The following DMD variants were observed in gnomAD, a reference collection of about 807,000 sequenced individuals.
DMD encodes the protein mutant dystrophin.
DMD carries 63 observed loss-of-function variants against 330.1 expected under a neutral mutation model. The ratio of observed to expected loss-of-function variants is 0.19; its 90% CI spans 0.16 to 0.24. The LOEUF is 0.24. Among genes scored for constraint, DMD ranks in the 10% least tolerant of loss-of-function variants. The pLI, the probability that DMD is intolerant of heterozygous loss-of-function variation, is 1.00. For synonymous variants in DMD, 1,223 were observed against 959.8 expected (o/e 1.27, Z -5.07); for missense variants, 3,344 against 2,684.1 (o/e 1.25, Z -5.43).
Position 33,267,092 on chromosome X carries a change from C to T in DMD, c.7+72167G>A, listed in dbSNP as rs934676410. Among the ~76,000 whole-genome samples the T allele has an allele frequency of 5.4e-5, 6 of 111,291 alleles. No individual in the cohort carries two copies. In the East Asian group the frequency reaches 1.7e-3, roughly 31 times the overall value. On this transcript the variant is annotated intron_variant, in intron 1 of 17. Transcript: ENST00000288447. ...ACGGTATGATTCTATACTTAGAAAA[C>T]CCAAAGACTCCACCAAAAGGCTACT...
In DMD at chrX:31,879,209, C is replaced by CGGT. The variant is rs1556965814; in HGVS notation, c.6913-3837_6913-3836insACC. ...TTAATGGACTCACCATTCTACATGG[C>CGGT]GGGGGGGGGCCTCACAATCATGGCA... On this transcript the variant is annotated intron_variant, in intron 47 of 78. Transcript: ENST00000357033. 8.4e-5 allele frequency among the ~76,000 whole-genome samples: 7 copies of CGGT among 83,809 alleles called. No individual in the cohort carries two copies. In the East Asian group the frequency reaches 2.6e-3, roughly 31 times the overall value. 72.8% of individuals were successfully genotyped at this position (83,809 alleles called of 115,157 possible). A position where few individuals can be genotyped will look rare whatever the true frequency, so the allele number is the denominator to read the frequency against.
Position 31,356,428 on chromosome X carries a change from A to T in DMD, c.9085-7794T>A, listed in dbSNP as rs139183769. Among the ~76,000 whole-genome samples the T allele has an allele frequency of 3.5e-4, 39 of 110,545 alleles. No homozygotes were observed. In the East Asian group the frequency reaches 9.4e-3, roughly 27 times the overall value. On this transcript the variant is annotated intron_variant, in intron 60 of 78. Transcript: ENST00000357033. Reference sequence around the variant, plus strand: ...TCTATACAACCTACCAGAAGAGTACACAGACTCTGCTGAGGCAAACAGTGC... The same window carrying T: ...TCTATACAACCTACCAGAAGAGTACTCAGACTCTGCTGAGGCAAACAGTGC...
intron 74 of DMD, among the ~76,000 whole-genome samples, chrX:31,163,258 T>G (rs1226071088): frequency 9.0e-6 from 1 of 111,443 alleles, no homozygotes; most frequent in African/African-American, 3.3e-5. Context: ...TTTCCCATGC[T>G]GTTTTTGTGA....
At chrX:32,395,586 A>G (rs2098038298) in intron 30 of DMD, among the ~76,000 whole-genome samples, 1 of 110,643 alleles carries the variant, frequency 9.0e-6, no homozygotes. Flanking sequence ...AAAAATTTTA[A>G]AAACAGAAAA....
Position 31,178,676 on chromosome X carries a change from T to C in DMD, c.10216A>G (p.Met3406Val), listed in dbSNP as rs748838045. ...PVQTVLEGDN[M>V]ETPVTLINFW... ...GCTTTTGCTACTACTCACGTTTCCA[T>C]GTTGTCCCCCTCTAAGACAGTCTGC... The change falls in exon 70 of 79, where the codon ATG becomes GTG. Residue 3406 changes from methionine (M) to valine (V), a missense_variant. By Grantham distance (21) the Met-to-Val change is conservative. Coordinates refer to ENST00000357033, the MANE Select transcript of DMD (RefSeq NM_004006.3). The C allele has an allele frequency of 8.3e-7, 1 of 1,207,201 alleles. No individual in the cohort carries two copies. The highest frequency in any genetic ancestry group is 1.1e-6 in the Non-Finnish European group (1 of 891,610).
intron 4 of DMD, among the ~76,000 whole-genome samples, chrX:32,832,389 A>AC (rs2079224087): frequency 9.0e-6 from 1 of 111,315 alleles, no homozygotes; most frequent in South Asian, 3.7e-4. Context: ...TGACACTGAA[A>AC]CCTCAAGCAT....
intron 53 of DMD, among the ~76,000 whole-genome samples, chrX:31,678,703 T>C (rs759951669): frequency 9.0e-6 from 1 of 111,135 alleles, no homozygotes. Context: ...CACCCCCATT[T>C]CTTGATCCAG....
intron 1 of DMD, among the ~76,000 whole-genome samples, chrX:33,320,874 C>T (rs768849484): frequency 1.8e-5 from 2 of 112,198 alleles, no homozygotes; most frequent in Non-Finnish European, 3.8e-5. Flanking sequence ...TTCTCAGCAT[C>T]TTCACCAGAA....
At position 32,883,841 on chromosome X, in the gene DMD, A is replaced by AG. The variant is rs748690006; in HGVS notation, c.94-34022_94-34021insC. Among the ~76,000 whole-genome samples, 386 of 101,151 alleles carry AG rather than the reference A, an allele frequency of 3.8e-3. 8 individuals are homozygous for AG. The East Asian group carries it at 0.059, about 15-fold the overall frequency. The allele number at this position is 101,151 out of a possible 115,157, so 87.8% of individuals were successfully genotyped here. On this transcript the variant is annotated intron_variant, in intron 2 of 78. Coordinates refer to ENST00000357033, the MANE Select transcript of DMD (RefSeq NM_004006.3). ...TCTGTTTCAAAAAAAAAAAAAAAAA[A>AG]AAAAAAAAAAGAAAATGACTTCCAT...
rs200542325 is a variant in DMD at position 32,689,255 on chromosome X, TC to T, written c.960+8614del. On this transcript the variant is annotated intron_variant, in intron 9 of 78. Coordinates refer to ENST00000357033, the MANE Select transcript of DMD (RefSeq NM_004006.3). ...TTTTTGGACTATAACACAATAACGCTCCTTTAATCTTCATAAAGAGACCACT... is the reference window on the plus strand; with the variant it reads ...TTTTTGGACTATAACACAATAACGCTCTTTAATCTTCATAAAGAGACCACT... 3.7e-3 allele frequency among the ~76,000 whole-genome samples: 411 copies of T among 110,526 alleles called. 3 individuals carry two copies. Among genetic ancestry groups the T allele is most frequent in the African/African-American group, 0.013 (382 of 30,559 alleles).
At chrX:32,733,104 G>T (rs1384832967) in intron 7 of DMD, among the ~76,000 whole-genome samples, 1 of 107,480 alleles carries the variant, frequency 9.3e-6, no homozygotes, top group East Asian at 2.9e-4. Flanking sequence ...AAAGGCAGGG[G>T]TTGCAATCCT....
rs757435143 is a variant in DMD, at chrX:32,071,005, T to TA, written c.6439-102492dup. The stretch of plus-strand genomic sequence containing the variant: ...CAAAGGACGTGAACTCATCCTTTTT[T>TA]ATGGCTGCACAGTATTCCATGGTGT... On this transcript the variant is annotated intron_variant, in intron 44 of 78. Coordinates refer to ENST00000357033, the MANE Select transcript of DMD (RefSeq NM_004006.3). 2.1e-4 allele frequency among the ~76,000 whole-genome samples: 23 copies of TA among 111,733 alleles called. No individual in the cohort carries two copies. The East Asian group carries it at 5.7e-3, about 28-fold the overall frequency.
At chrX:32,135,297 A>G (rs2096719252) in intron 44 of DMD, among the ~76,000 whole-genome samples, 1 of 112,912 alleles carries the variant, frequency 8.9e-6, no homozygotes, top group Admixed American at 9.4e-5. Context: ...ATGCAAATAT[A>G]TGGAAATGAT....
intron 69 of DMD, among the ~76,000 whole-genome samples, chrX:31,179,725 T>C (rs1305311660): frequency 8.9e-6 from 1 of 111,768 alleles, no homozygotes; most frequent in African/African-American, 3.3e-5. Context: ...CACAGTTCTA[T>C]TGGCCACTTA....
At chrX:32,558,768 G>A (rs1472065071) in intron 16 of DMD, among the ~76,000 whole-genome samples, 1 of 110,511 alleles carries the variant, frequency 9.0e-6, no homozygotes, top group African/African-American at 3.3e-5. Context: ...CAGACTGAAT[G>A]TATTAAATTT....
intron 9 of DMD, among the ~76,000 whole-genome samples, chrX:32,665,979 T>C (rs112427626): frequency 0.035 from 3,842 of 111,117 alleles, 76 homozygotes; most frequent in South Asian, 0.06. Flanking sequence ...AATGACAGTA[T>C]GTAATAGTCA....
intron 60 of DMD, among the ~76,000 whole-genome samples, chrX:31,435,857 G>T (rs897111096): frequency 1.8e-5 from 2 of 111,697 alleles, no homozygotes; most frequent in Non-Finnish European, 3.8e-5. Context: ...GCAGAAGAAA[G>T]GGTGGGGCGG....
intron 29 of DMD, among the ~76,000 whole-genome samples, chrX:32,434,523 A>T (rs1446266054): frequency 8.9e-6 from 1 of 112,743 alleles, no homozygotes; most frequent in East Asian, 2.8e-4. Context: ...ATTCTTGATT[A>T]TAACACATTA....
chrX:32,850,544 T>C (rs2081054721), intron 2 of DMD, among the ~76,000 whole-genome samples: 1 of 112,011 alleles, frequency 8.9e-6, no homozygotes, highest in Admixed American at 9.5e-5. Context: ...ATACTTAACC[T>C]CTAAGTATCT....
Sources: gnomAD v4.1 joint callset for allele counts (sites outside exome capture counted in the v4.1 genomes callset) on GRCh38, gnomAD v4.1.1 for gene constraint, MANE v1.5 for transcripts, NCBI Gene and HGNC (gene_info 2026-07-23, HGNC 2026-07-21) for gene names.